Variants in ASPH observed in about 807,000 individuals in gnomAD.
ASPH encodes the protein aspartyl/asparaginyl beta-hydroxylase.
In ASPH, 100 loss-of-function variants were observed where a neutral mutation model predicts 118.4. The observed-to-expected ratio is 0.84, with a 90% CI of 0.72 to 1.00. The LOEUF (loss-of-function observed/expected upper bound fraction) is 1.00, where lower values mean the gene tolerates loss of function less well. Ranked by LOEUF, ASPH falls within the 50% of genes least tolerant of loss-of-function variation. The pLI, the probability that ASPH is intolerant of heterozygous loss-of-function variation, is 0.00. For synonymous variants in ASPH, 315 were observed against 325.6 expected, an observed-to-expected ratio of 0.97 and a Z score of 0.35; for missense variants, 920 against 919.5, an observed-to-expected ratio of 1.00 and a Z score of -0.01.
Position 61,714,437 on chromosome 8 carries a change from ACGCGGGAACCGCTGGCGGCGGCGGGC to A in ASPH, c.-92_-67del. The stretch of plus-strand genomic sequence containing the variant: ...TTCAGTGCGCGGGGGTACACACGCG[ACGCGGGAACCGCTGGCGGCGGCGGGC>A]CGCTGGAGCGGGTTCGGGCCGCTGC... On this transcript the variant is annotated 5_prime_UTR_variant, in exon 1 of 25. Transcript: ENST00000379454. The A allele has an allele frequency of 7.3e-7, 1 of 1,366,212 alleles. No individual in the cohort carries two copies. Among genetic ancestry groups the A allele is most frequent in the Non-Finnish European group, 9.4e-7 (1 of 1,058,542 alleles). 84.6% of individuals were successfully genotyped at this position (1,366,212 alleles called of 1,614,324 possible).
At chr8:61,513,984 T>C (rs1385562165) in intron 24 of ASPH, among the ~76,000 whole-genome samples, 1 of 152,106 alleles carries the variant, frequency 6.6e-6, no homozygotes, top group East Asian at 1.9e-4. Flanking sequence ...CCAGCATCAC[T>C]CCTGCATTTG....
chr8:61,712,808 C>T (rs549510697), intron 1 of ASPH, among the ~76,000 whole-genome samples: 20 of 152,324 alleles, frequency 1.3e-4, no homozygotes, highest in African/African-American at 4.8e-4. Context: ...TGCAATCAGC[C>T]CTCTCCTCAT....
intron 16 of ASPH, among the ~76,000 whole-genome samples, chr8:61,569,835 A>G (rs1458477311): frequency 6.6e-6 from 1 of 152,212 alleles, no homozygotes; most frequent in Non-Finnish European, 1.5e-5. Context: ...CCAGGAGAGA[A>G]AGTCCAGTGT....
intron 14 of ASPH, among the ~76,000 whole-genome samples, chr8:61,602,019 C>A (rs905866367): frequency 1.3e-5 from 2 of 151,232 alleles, no homozygotes; most frequent in African/African-American, 2.5e-5. Flanking sequence ...GCCCAGTCAC[C>A]TTCACTAGTG....
chr8:61,704,488 A>G lies in ASPH; in HGVS notation c.103+9781T>C, dbSNP rs183387997. Among the ~76,000 whole-genome samples, 18 of 152,074 alleles carry G rather than the reference A, an allele frequency of 1.2e-4. 1 individual carries two copies. The highest frequency in any genetic ancestry group is 1.5e-5 in the Non-Finnish European group (1 of 67,970). ...GAGACGTGAGAATGTGCAGTTTCTT[A>G]GAACACAGAAAGCAAAAACAGAAAA... On this transcript the variant is annotated intron_variant, in intron 1 of 24. Transcript: ENST00000379454.
At chr8:61,703,901 T>C (rs180955845) in intron 1 of ASPH, among the ~76,000 whole-genome samples, 1 of 151,984 alleles carries the variant, frequency 6.6e-6, no homozygotes, top group East Asian at 1.9e-4. Flanking sequence ...CAAGATTCTG[T>C]GATAAAGTAA....
intron 1 of ASPH, among the ~76,000 whole-genome samples, chr8:61,688,148 T>C (rs1035877280): frequency 1.3e-5 from 2 of 152,176 alleles, no homozygotes; most frequent in Non-Finnish European, 2.9e-5. Flanking sequence ...CAGTATCTTG[T>C]TCCAAAGGTA....
intron 14 of ASPH, among the ~76,000 whole-genome samples, chr8:61,605,114 G>A (rs1408966887): frequency 6.6e-6 from 1 of 152,122 alleles, no homozygotes; most frequent in Non-Finnish European, 1.5e-5. Context: ...GTAGATGTTT[G>A]TTTTCACATA....
chr8:61,572,094 TAAG>T (rs1833631355), intron 16 of ASPH, among the ~76,000 whole-genome samples: 1 of 152,224 alleles, frequency 6.6e-6, no homozygotes, highest in African/African-American at 2.4e-5. Context: ...AATGGAGATA[TAAG>T]AAGATACTGA....
chr8:61,688,647 A>C (rs1831524258), intron 1 of ASPH, among the ~76,000 whole-genome samples: 1 of 152,192 alleles, frequency 6.6e-6, no homozygotes, highest in South Asian at 2.1e-4. Flanking sequence ...TTTTTGAAAA[A>C]CACAAAAACT....
intron 1 of ASPH, among the ~76,000 whole-genome samples, chr8:61,691,598 G>A (rs1832665426): frequency 6.6e-6 from 1 of 152,062 alleles, no homozygotes; most frequent in Non-Finnish European, 1.5e-5. Flanking sequence ...TACCCCCATG[G>A]GTGAGACCAC....
chr8:61,542,608 G>A (rs1822350100), intron 21 of ASPH, among the ~76,000 whole-genome samples: 1 of 151,912 alleles, frequency 6.6e-6, no homozygotes, highest in Non-Finnish European at 1.5e-5. Context: ...TTATGCATTG[G>A]TTTTGGAATA....
At chr8:61,635,059 T>G (rs1346037225) in intron 12 of ASPH, among the ~76,000 whole-genome samples, 1 of 152,220 alleles carries the variant, frequency 6.6e-6, no homozygotes, top group Non-Finnish European at 1.5e-5. Flanking sequence ...CAGGTCTTTT[T>G]GAACCCACTT....
At chr8:61,544,771 G>T (rs1186990070) in intron 21 of ASPH, among the ~76,000 whole-genome samples, 1 of 152,122 alleles carries the variant, frequency 6.6e-6, no homozygotes, top group East Asian at 1.9e-4. Flanking sequence ...TTAGAGACAT[G>T]GTCCCTGTCA....
At chr8:61,647,355 G>A (rs1422509885) in intron 5 of ASPH, among the ~76,000 whole-genome samples, 1 of 152,150 alleles carries the variant, frequency 6.6e-6, no homozygotes, top group Non-Finnish European at 1.5e-5. Flanking sequence ...CTATAGCAAA[G>A]AGTGACTAGC....
intron 2 of ASPH, 131 bp from the exon 3 acceptor site, chr8:61,681,167 T>G (rs947096181): frequency 3.1e-6 from 2 of 649,056 alleles, no homozygotes; most frequent in Non-Finnish European, 4.8e-6. Flanking sequence ...GCTCTTTTAA[T>G]CCTGCAAAGC....
At chr8:61,675,542 C>G (rs1043800989) in intron 3 of ASPH, 1 of 980,012 alleles carries the variant, frequency 1.0e-6, no homozygotes, top group African/African-American at 1.8e-5. Flanking sequence ...ATGAACCTAT[C>G]TGACAAACCT....
intron 14 of ASPH, among the ~76,000 whole-genome samples, chr8:61,594,939 A>G (rs987056204): frequency 2.6e-5 from 4 of 152,198 alleles, no homozygotes; most frequent in African/African-American, 9.6e-5. Flanking sequence ...TTGATTGTTT[A>G]GATGTCAGCA....
At chr8:61,580,399 T>TGG (rs1837130642) in intron 15 of ASPH, among the ~76,000 whole-genome samples, 2 of 152,220 alleles carry the variant, frequency 1.3e-5, no homozygotes. Flanking sequence ...ACACGTCCTC[T>TGG]GAAATCTAGG....
Sources: gnomAD v4.1 joint callset for allele counts (sites outside exome capture counted in the v4.1 genomes callset) on GRCh38, gnomAD v4.1.1 for gene constraint, MANE v1.5 for transcripts, NCBI Gene and HGNC (gene_info 2026-07-23, HGNC 2026-07-21) for gene names.